PPT2: variants seen among roughly 807,000 people sequenced by gnomAD.
PPT2 encodes lysosomal thioesterase PPT2.
PPT2 carries 20 observed loss-of-function variants against 37.3 expected under a neutral mutation model. That is an observed-to-expected ratio of 0.54 (90% CI 0.38 to 0.78). The LOEUF (loss-of-function observed/expected upper bound fraction) is 0.78, where lower values mean the gene tolerates loss of function less well. Ranked by LOEUF, PPT2 falls within the 30% of genes least tolerant of loss-of-function variation. PPT2 has a pLI of 0.00. For synonymous variants in PPT2, 135 were observed against 159.1 expected (o/e 0.85, Z 1.14); for missense variants, 270 against 389.8 (o/e 0.69, Z 2.59).
rs1783632373 is a variant in PPT2, at chr6:32,154,760, C to T, written c.166C>T (p.Leu56=). 6.2e-7 allele frequency: 1 copy of T among 1,612,676 alleles called. No homozygotes were observed. The highest frequency in any genetic ancestry group is 8.5e-7 in the Non-Finnish European group (1 of 1,179,706). ...FDSSYSFRHL[L]EYINETHPGT... is the part of the protein sequence containing the mutation. ...CAGCTCGTACAGCTTCCGCCACCTG[C>T]TGGAATACATCAATGAGGTCTGGCA... Residue 56 remains leucine, a synonymous_variant, in exon 2 of 9, where the codon CTG becomes TTG. Coordinates refer to ENST00000324816, the MANE Select transcript of PPT2 (RefSeq NM_005155.7). The surrounding 1 kb of genome is among the most constrained non-coding windows in gnomAD (Gnocchi z 7.3).
rs1203428562 is a variant in PPT2 at position 32,162,217 on chromosome 6, TTTTCC to T, written c.711-337_711-333del. Among the ~76,000 whole-genome samples, 1 of 152,162 alleles carries T rather than the reference TTTTCC, an allele frequency of 6.6e-6. No individual in the cohort carries two copies. The highest frequency in any genetic ancestry group is 1.5e-5 in the Non-Finnish European group (1 of 68,022). On this transcript the variant is annotated intron_variant, in intron 7 of 8. Coordinates refer to ENST00000324816, the MANE Select transcript of PPT2 (RefSeq NM_005155.7). The surrounding 1 kb of genome is among the most constrained non-coding windows in gnomAD (Gnocchi z 5.5). ...TTTTTCCTTTTCTTTTTTCTTTCCT[TTTTCC>T]TTTCCTTTCCTTTTTGAGATGGGGT...
At chr6:32,158,059 C>A in intron 7 of PPT2, 135 bp downstream of exon 7, 2 of 765,124 alleles carry the variant, frequency 2.6e-6, no homozygotes, top group Non-Finnish European at 4.2e-6. Flanking sequence ...TCATGTCACC[C>A]AAGACCAAAA....
At position 32,163,016 on chromosome 6, in the gene PPT2, A is replaced by G. The variant is rs938278203; in HGVS notation, c.*66A>G. 14 of 1,507,716 alleles carry G rather than the reference A, an allele frequency of 9.3e-6. No homozygotes were observed. In the African/African-American group the frequency reaches 1.9e-4, roughly 21 times the overall value. The allele number at this position is 1,507,716 out of a possible 1,614,324, so 93.4% of individuals were successfully genotyped here. ...ACCAAGTGGTGGCCTTGGAAAGCAG[A>G]TGTCAGGCTTTGGTGTGCCTGTGAC... On this transcript the variant is annotated 3_prime_UTR_variant, in exon 9 of 9. Coordinates refer to ENST00000324816, the MANE Select transcript of PPT2 (RefSeq NM_005155.7).
intron 7 of PPT2, among the ~76,000 whole-genome samples, chr6:32,159,433 C>CAAA (rs1214191656): frequency 0.053 from 1,164 of 22,010 alleles, 113 homozygotes; most frequent in South Asian, 0.2. Context: ...AACTCCATCT[C>CAAA]AAAAAAAAAA....
At chr6:32,161,481 G>A (rs1301370589) in intron 7 of PPT2, among the ~76,000 whole-genome samples, 2 of 151,388 alleles carry the variant, frequency 1.3e-5, no homozygotes, top group African/African-American at 4.9e-5. Context: ...TAGAGACGGG[G>A]TTTCTCCATG....
rs1296731841 is a variant in PPT2, at chr6:32,156,989, G to T, written c.542-648G>T. ...TGAGGTCGGGTTCGAGACCAGCCTG[G>T]CCAACATGGTGAAACCCCATCTCTA... On this transcript the variant is annotated intron_variant, in intron 5 of 8. Coordinates refer to ENST00000324816, the MANE Select transcript of PPT2 (RefSeq NM_005155.7). The surrounding 1 kb of genome is among the most constrained non-coding windows in gnomAD (Gnocchi z 4.9). 6.6e-6 allele frequency: 1 copy of T among 151,506 alleles called. No individual in the cohort carries two copies. Among genetic ancestry groups the T allele is most frequent in the African/African-American group, 2.4e-5 (1 of 41,186 alleles). 9.4% of individuals were successfully genotyped at this position (151,506 alleles called of 1,614,324 possible). A position where few individuals can be genotyped will look rare whatever the true frequency, so the allele number is the denominator to read the frequency against.
chr6:32,153,811 T>C, upstream of PPT2: 1 of 1,052,982 alleles, frequency 9.5e-7, no homozygotes, highest in Non-Finnish European at 1.3e-6. This position sits in a 1 kb window ranked among gnomAD's most constrained non-coding sequence, Gnocchi z 4.4. Flanking sequence ...AATGCAAACT[T>C]CGTGTTCTGC....
Position 32,159,433 on chromosome 6 carries a change from C to CAAAAAAAAAAAAA in PPT2, c.710+1516_710+1528dup, listed in dbSNP as rs1214191656. On this transcript the variant is annotated intron_variant, in intron 7 of 8. Transcript: ENST00000324816. ...GGGCAACAAGAGCGAAACTCCATCT[C>CAAAAAAAAAAAAA]AAAAAAAAAAAAAAAAAAATATATA... 1.4e-3 allele frequency among the ~76,000 whole-genome samples: 30 copies of CAAAAAAAAAAAAA among 22,196 alleles called. 3 individuals carry two copies. Among genetic ancestry groups the CAAAAAAAAAAAAA allele is most frequent in the South Asian group, 2.7e-3 (1 of 364 alleles). The allele number at this position is 22,196 out of a possible 152,430, so 14.6% of individuals were successfully genotyped here.
At position 32,163,390 on chromosome 6, in the gene PPT2, T is replaced by G; in HGVS notation, c.*440T>G. On this transcript the variant is annotated 3_prime_UTR_variant, in exon 9 of 9. Transcript: ENST00000324816. ...TCCTCCCCATGTTCCCTTTTTTCTC[T>G]AAAGTCCCCTGACATCAGCCCTCCC... 1 of 173,306 alleles carries G rather than the reference T, an allele frequency of 5.8e-6. No homozygotes were observed. The highest frequency in any genetic ancestry group is 1.2e-5 in the Non-Finnish European group (1 of 80,324). 10.7% of individuals were successfully genotyped at this position (173,306 alleles called of 1,614,324 possible).
upstream of PPT2, chr6:32,153,534 G>A: frequency 6.9e-7 from 1 of 1,455,944 alleles, no homozygotes; most frequent in Non-Finnish European, 9.4e-7. This position sits in a 1 kb window ranked among gnomAD's most constrained non-coding sequence, Gnocchi z 4.4. Context: ...GAGTAGAGTA[G>A]GGCAGGAGAA....
Position 32,162,794 on chromosome 6 carries a change from G to A in PPT2, c.766-13G>A, listed in dbSNP as rs747626563. 9 of 1,612,012 alleles carry A rather than the reference G, an allele frequency of 5.6e-6. No homozygotes were observed. The highest frequency in any genetic ancestry group is 3.4e-5 in the Admixed American group (2 of 59,642). On this transcript the variant is annotated splice_polypyrimidine_tract_variant and intron_variant, in intron 8 of 8. Coordinates refer to ENST00000324816, the MANE Select transcript of PPT2 (RefSeq NM_005155.7). The surrounding 1 kb of genome is among the most constrained non-coding windows in gnomAD (Gnocchi z 5.5). ...CTCTTCCATGCTTCCACGCCCCTTC[G>A]ACCACCTTGAAGGTTTATCTGCGGG... is the stretch of plus-strand genomic sequence containing the variant.
Position 32,155,591 on chromosome 6 carries a change from T to C in PPT2, c.338-97T>C. The C allele has an allele frequency of 1.3e-6, 1 of 751,432 alleles. No individual in the cohort carries two copies. Among genetic ancestry groups the C allele is most frequent in the East Asian group, 2.6e-5 (1 of 38,356 alleles). The allele number at this position is 751,432 out of a possible 1,614,324, so 46.5% of individuals were successfully genotyped here. ...GTGTGTCTGTGTGTGTCTCTGTGTG[T>C]GTGTGTGTGTGTGTGTGTGTGTGTG... On this transcript the variant is annotated intron_variant, in intron 3 of 8. Transcript: ENST00000324816. This position sits in a 1 kb window ranked among gnomAD's most constrained non-coding sequence, Gnocchi z 4.3.
chr6:32,159,684 G>A (rs951941702), intron 7 of PPT2, among the ~76,000 whole-genome samples: 1 of 150,350 alleles, frequency 6.7e-6, no homozygotes, highest in Non-Finnish European at 1.5e-5. Flanking sequence ...ATAGCTCATG[G>A]TTATATAACA....
Position 32,157,642 on chromosome 6 carries a change from C to T in PPT2, c.547C>T (p.His183Tyr), listed in dbSNP as rs1323452003. The change falls in exon 6 of 9, where the codon CAC becomes TAC. Residue 183 changes from histidine to tyrosine, a missense_variant. Physicochemically the swap from His to Tyr is moderately conservative, Grantham distance 83. Transcript: ENST00000324816. ...FSICNYWHDP[H>Y]HDDLYLNASS... The stretch of plus-strand genomic sequence containing the variant: ...TAACTGCTGTTTGTACCCAGATCCC[C>T]ACCACGATGACTTGTACCTCAATGC... 3 of 1,594,264 alleles carry T rather than the reference C, an allele frequency of 1.9e-6. No individual in the cohort carries two copies. The highest frequency in any genetic ancestry group is 1.7e-6 in the Non-Finnish European group (2 of 1,162,938).
At position 32,157,521 on chromosome 6, in the gene PPT2, C is replaced by G; in HGVS notation, c.542-116C>G. 3.4e-6 allele frequency: 3 copies of G among 881,874 alleles called. No homozygotes were observed. The Admixed American group carries it at 5.8e-5, about 17-fold the overall frequency. 54.6% of individuals were successfully genotyped at this position (881,874 alleles called of 1,614,324 possible). A position where few individuals can be genotyped will look rare whatever the true frequency, so the allele number is the denominator to read the frequency against. ...AGCCACCGCACCTGGCCTACATTAT[C>G]ACTACTATTTTATTACTATCCACCT... On this transcript the variant is annotated intron_variant, in intron 5 of 8. Coordinates refer to ENST00000324816, the MANE Select transcript of PPT2 (RefSeq NM_005155.7).
chr6:32,154,039 C>A, upstream of PPT2: 12 of 1,157,990 alleles, frequency 1.0e-5, no homozygotes, highest in Non-Finnish European at 1.3e-5. This position sits in a 1 kb window ranked among gnomAD's most constrained non-coding sequence, Gnocchi z 7.3. Context: ...CCCTCCTGTC[C>A]TGGGTCTGTG....
At chr6:32,157,306 C>T in intron 5 of PPT2, 1 of 403,444 alleles carries the variant, frequency 2.5e-6, no homozygotes. Flanking sequence ...CTGTAACCTC[C>T]ACCTCCTGGG....
In PPT2 at chr6:32,154,817, T is replaced by TCTA. The variant is rs761914507; in HGVS notation, c.183+43_183+45dup. 8.4e-5 allele frequency: 133 copies of TCTA among 1,590,674 alleles called. No individual in the cohort carries two copies. The highest frequency in any genetic ancestry group is 4.2e-4 in the South Asian group (38 of 89,744). The stretch of plus-strand genomic sequence containing the variant: ...ACCTGGGTGCAGGGCGTTAGAGGCG[T>TCTA]CTACTGTGGCAGGGGAGGGAGAGCG... On this transcript the variant is annotated intron_variant, in intron 2 of 8. Transcript: ENST00000324816. This position sits in a 1 kb window ranked among gnomAD's most constrained non-coding sequence, Gnocchi z 7.3.
Position 32,154,522 on chromosome 6 carries a change from G to A in PPT2, c.-8-65G>A, listed in dbSNP as rs995185235. 2 of 1,533,668 alleles carry A rather than the reference G, an allele frequency of 1.3e-6. No homozygotes were observed. Among genetic ancestry groups the A allele is most frequent in the Admixed American group, 1.9e-5 (1 of 52,108 alleles). ...CGAGAGGAGGTGGCTTGATTGCCGG[G>A]CGTCTGTTCCGAGGGAGGAGGGTGT... On this transcript the variant is annotated intron_variant, in intron 1 of 8. Transcript: ENST00000324816. This position sits in a 1 kb window ranked among gnomAD's most constrained non-coding sequence, Gnocchi z 7.3.
Sources: allele counts gnomAD v4.1 joint callset (sites outside exome capture counted in the v4.1 genomes callset), GRCh38; gene constraint gnomAD v4.1.1; non-coding constraint Gnocchi (gnomAD v3.1); transcripts MANE v1.5; gene names NCBI Gene and HGNC (gene_info 2026-07-23, HGNC 2026-07-21).